Variants in SCHIP1 observed in about 807,000 individuals in gnomAD.
SCHIP1 encodes schwannomin-interacting protein 1.
A neutral mutation model predicts 29.7 loss-of-function variants in SCHIP1; 8 were observed. The observed-to-expected ratio is 0.27, with a 90% CI of 0.16 to 0.49. The LOEUF (loss-of-function observed/expected upper bound fraction) is 0.49, where lower values mean the gene tolerates loss of function less well. Among genes scored for constraint, SCHIP1 ranks in the 20% least tolerant of loss-of-function variants. The pLI, the probability that SCHIP1 is intolerant of heterozygous loss-of-function variation, is 0.99. For missense variants in SCHIP1, 193 were observed against 294.6 expected, an observed-to-expected ratio of 0.66 and a Z score of 2.52; for synonymous variants, 76 against 94.9, an observed-to-expected ratio of 0.80 and a Z score of 1.16.
the SCHIP1 span, among the ~76,000 whole-genome samples, chr3:159,490,893 G>A: frequency 6.6e-6 from 1 of 152,310 alleles, no homozygotes; most frequent in East Asian, 1.9e-4. Context: ...ACACCAAGAA[G>A]TTTAGAATCT....
the SCHIP1 span, among the ~76,000 whole-genome samples, chr3:159,651,516 C>T: frequency 1.3e-5 from 2 of 152,166 alleles, no homozygotes; most frequent in Non-Finnish European, 2.9e-5. Flanking sequence ...GTTTTACTAC[C>T]ATTATTACTA....
the SCHIP1 span, among the ~76,000 whole-genome samples, chr3:159,684,962 T>C: frequency 6.6e-6 from 1 of 152,336 alleles, no homozygotes; most frequent in African/African-American, 2.4e-5. Flanking sequence ...TGGATCCTGC[T>C]TAACCTGCCA....
chr3:159,424,870 G>C, the SCHIP1 span, among the ~76,000 whole-genome samples: 5 of 151,308 alleles, frequency 3.3e-5, no homozygotes, highest in African/African-American at 9.7e-5. Context: ...AGCCAGAAGA[G>C]AGTGGGGGCC....
chr3:159,680,684 T>C, the SCHIP1 span, among the ~76,000 whole-genome samples: 1 of 69,456 alleles, frequency 1.4e-5, no homozygotes, highest in Non-Finnish European at 2.4e-5. Context: ...ATATATAATA[T>C]ATGTATATAT....
chr3:159,547,327 TAGAG>T, the SCHIP1 span, among the ~76,000 whole-genome samples: 9 of 152,304 alleles, frequency 5.9e-5, no homozygotes, highest in South Asian at 6.2e-4. Context: ...CTTTGTCAGA[TAGAG>T]AGATTGCAAA....
At chr3:159,310,733 T>C in the SCHIP1 span, among the ~76,000 whole-genome samples, 1 of 152,180 alleles carries the variant, frequency 6.6e-6, no homozygotes, top group African/African-American at 2.4e-5. Context: ...ACGTTTCAAA[T>C]AGGTTTGCAG....
the SCHIP1 span, among the ~76,000 whole-genome samples, chr3:159,567,300 A>G: frequency 6.6e-6 from 1 of 152,104 alleles, no homozygotes; most frequent in Non-Finnish European, 1.5e-5. Flanking sequence ...CTTTGTTCCT[A>G]CAGTGTTTAC....
At chr3:159,588,322 TTTC>T in the SCHIP1 span, among the ~76,000 whole-genome samples, 1 of 152,202 alleles carries the variant, frequency 6.6e-6, no homozygotes, top group African/African-American at 2.4e-5. Flanking sequence ...GGTTGTTTTT[TTTC>T]TTGTAAATTT....
chr3:159,752,220 A>G, the SCHIP1 span, among the ~76,000 whole-genome samples: 1 of 152,210 alleles, frequency 6.6e-6, no homozygotes, highest in Non-Finnish European at 1.5e-5. Flanking sequence ...AGAACGGACT[A>G]AAACACCACC....
chr3:159,707,883 C>A, the SCHIP1 span, among the ~76,000 whole-genome samples: 6 of 152,226 alleles, frequency 3.9e-5, no homozygotes, highest in African/African-American at 1.4e-4. Context: ...GCAGGCAACT[C>A]ACCTGACCAA....
At chr3:159,552,613 A>C in the SCHIP1 span, among the ~76,000 whole-genome samples, 1 of 152,228 alleles carries the variant, frequency 6.6e-6, no homozygotes, top group Non-Finnish European at 1.5e-5. Context: ...CGTGTCCCTG[A>C]AAAGAAATGC....
chr3:159,830,901 C>A, the SCHIP1 span, among the ~76,000 whole-genome samples: 2 of 152,190 alleles, frequency 1.3e-5, no homozygotes, highest in Admixed American at 1.3e-4. Flanking sequence ...AGGAGTATGG[C>A]AGGACCTTGA....
the SCHIP1 span, among the ~76,000 whole-genome samples, chr3:159,479,574 C>T: frequency 1.3e-5 from 2 of 152,086 alleles, no homozygotes; most frequent in Non-Finnish European, 2.9e-5. Flanking sequence ...TTTATTTTTC[C>T]TAATAGTAGG....
the SCHIP1 span, among the ~76,000 whole-genome samples, chr3:159,498,353 C>G: frequency 2.0e-5 from 3 of 152,134 alleles, no homozygotes; most frequent in Non-Finnish European, 4.4e-5. Flanking sequence ...AAAAGAAGAA[C>G]AACCAGTAAT....
chr3:159,487,375 C>T, the SCHIP1 span, among the ~76,000 whole-genome samples: 1 of 152,024 alleles, frequency 6.6e-6, no homozygotes, highest in African/African-American at 2.4e-5. Context: ...AGGTTTGTCT[C>T]CCTCAGGAGA....
intron 1 of SCHIP1, among the ~76,000 whole-genome samples, chr3:159,844,159 C>A (rs1462853434): frequency 6.6e-6 from 1 of 152,182 alleles, no homozygotes; most frequent in African/African-American, 2.4e-5. Flanking sequence ...GATTGTTCAG[C>A]GGCCCAGGGA....
chr3:159,630,215 G>C, the SCHIP1 span, among the ~76,000 whole-genome samples: 1 of 152,154 alleles, frequency 6.6e-6, no homozygotes, highest in Non-Finnish European at 1.5e-5. Context: ...GGCTCAATCT[G>C]ATGAAAGAAA....
chr3:159,453,237 C>T, the SCHIP1 span, among the ~76,000 whole-genome samples: 3 of 152,184 alleles, frequency 2.0e-5, no homozygotes, highest in African/African-American at 7.2e-5. Context: ...TGCTTTTTAG[C>T]CCACTGTGTG....
chr3:159,413,366 T>A, the SCHIP1 span, among the ~76,000 whole-genome samples: 2 of 152,170 alleles, frequency 1.3e-5, no homozygotes, highest in African/African-American at 4.8e-5. Flanking sequence ...TTGATCTTTT[T>A]ATAACTTACT....
Sources: gnomAD v4.1 joint callset for allele counts (sites outside exome capture counted in the v4.1 genomes callset) on GRCh38, gnomAD v4.1.1 for gene constraint, MANE v1.5 for transcripts, NCBI Gene and HGNC (gene_info 2026-07-23, HGNC 2026-07-21) for gene names.